TRAPPC9: variants seen among roughly 807,000 people sequenced by gnomAD.
TRAPPC9 encodes the protein trafficking protein particle complex subunit 9.
Under a neutral mutation model 124.0 loss-of-function variants are expected in TRAPPC9, and 83 were observed. The observed-to-expected ratio is 0.67, with a 90% CI of 0.56 to 0.80. The LOEUF is 0.80. Ranked by LOEUF, TRAPPC9 falls within the 30% of genes least tolerant of loss-of-function variation. TRAPPC9 has a pLI of 0.00. For missense variants in TRAPPC9, 1,302 were observed against 1,508.3 expected, an observed-to-expected ratio of 0.86 and a Z score of 2.27; for synonymous variants, 638 against 617.5, an observed-to-expected ratio of 1.03 and a Z score of -0.49.
intron 9 of TRAPPC9, among the ~76,000 whole-genome samples, chr8:140,331,754 T>C (rs1354889793): frequency 6.6e-6 from 1 of 151,996 alleles, no homozygotes; most frequent in Non-Finnish European, 1.5e-5. Context: ...ATCAGGGAAA[T>C]GCAAATCAAA....
At chr8:140,399,503 A>C (rs1260396571) in intron 6 of TRAPPC9, among the ~76,000 whole-genome samples, 1 of 152,236 alleles carries the variant, frequency 6.6e-6, no homozygotes, top group East Asian at 1.9e-4. Flanking sequence ...ACATGGAATC[A>C]AAGGAGATCA....
intron 19 of TRAPPC9, chr8:139,932,513 A>G (rs1833234682): frequency 2.2e-6 from 1 of 456,548 alleles, no homozygotes; most frequent in Non-Finnish European, 4.4e-6. Context: ...CTGTAATCCC[A>G]GCACTTTGGA....
chr8:140,440,637 C>A (rs953551591), intron 2 of TRAPPC9, among the ~76,000 whole-genome samples: 5 of 152,154 alleles, frequency 3.3e-5, no homozygotes, highest in Non-Finnish European at 5.9e-5. Context: ...TATACACACA[C>A]AGCCAGAGTG....
intron 17 of TRAPPC9, among the ~76,000 whole-genome samples, chr8:140,181,130 C>T (rs763319058): frequency 6.6e-6 from 1 of 152,178 alleles, no homozygotes; most frequent in Non-Finnish European, 1.5e-5. Flanking sequence ...CTCACTGTAA[C>T]CCATTTTGTG....
intron 17 of TRAPPC9, among the ~76,000 whole-genome samples, chr8:140,155,701 CT>C (rs1234027519): frequency 2.6e-5 from 4 of 152,136 alleles, no homozygotes; most frequent in Non-Finnish European, 4.4e-5. Context: ...ATGGGACCCC[CT>C]GGCTGTCCAT....
chr8:139,990,261 G>C (rs2927050), intron 18 of TRAPPC9, among the ~76,000 whole-genome samples: 1 of 152,034 alleles, frequency 6.6e-6, no homozygotes, highest in Non-Finnish European at 1.5e-5. Context: ...CACTGGAGAC[G>C]GAGGCTCAGG....
rs377407051 is a variant in TRAPPC9, at chr8:140,209,456, T to A, written c.2556+12003A>T. The stretch of plus-strand genomic sequence containing the variant: ...CCGTCCCCCTTCTCTGTCCTTAACA[T>A]CTGTGTTAGAATTCCACATGCAGCA... On this transcript the variant is annotated intron_variant, in intron 17 of 22. Coordinates refer to ENST00000438773, the MANE Select transcript of TRAPPC9 (RefSeq NM_001160372.4). Among the ~76,000 whole-genome samples the A allele has an allele frequency of 2.5e-4, 38 of 152,350 alleles. 1 individual carries two copies. The South Asian group carries it at 7.7e-3, about 31-fold the overall frequency.
At chr8:140,215,881 A>C (rs906134314) in intron 17 of TRAPPC9, 2 of 152,158 alleles carry the variant, frequency 1.3e-5, no homozygotes, top group East Asian at 3.9e-4. Flanking sequence ...GCCGTGGAGG[A>C]GGGTGCCCAG....
At chr8:140,300,244 C>T (rs1468827696) in intron 11 of TRAPPC9, among the ~76,000 whole-genome samples, 1 of 142,606 alleles carries the variant, frequency 7.0e-6, no homozygotes, top group African/African-American at 3.1e-5. Flanking sequence ...CATGCACGCA[C>T]GCATGCATAC....
chr8:140,390,161 G>A (rs955504517), intron 7 of TRAPPC9, among the ~76,000 whole-genome samples: 5 of 152,152 alleles, frequency 3.3e-5, no homozygotes, highest in East Asian at 1.9e-4. Context: ...AAAATTAGCC[G>A]GGCAGTAGTG....
intron 1 of TRAPPC9, among the ~76,000 whole-genome samples, chr8:140,456,399 G>A (rs539832477): frequency 1.5e-4 from 22 of 143,808 alleles, no homozygotes; most frequent in Non-Finnish European, 2.4e-4. Flanking sequence ...GCGACAGTGC[G>A]AGACTCCGTC....
At chr8:139,811,598 G>A (rs531759965) in intron 21 of TRAPPC9, among the ~76,000 whole-genome samples, 1 of 152,358 alleles carries the variant, frequency 6.6e-6, no homozygotes, top group South Asian at 2.1e-4. Context: ...CAAAGGATCA[G>A]GAGCTCGGAA....
intron 17 of TRAPPC9, among the ~76,000 whole-genome samples, chr8:140,193,682 C>T (rs1382956808): frequency 2.0e-5 from 3 of 149,586 alleles, no homozygotes; most frequent in East Asian, 2.0e-4. Context: ...CTAGAAAGTC[C>T]ACTGGAAAGG....
intron 17 of TRAPPC9, among the ~76,000 whole-genome samples, chr8:140,152,536 ATT>A (rs575784437): frequency 5.8e-5 from 8 of 137,730 alleles, no homozygotes; most frequent in African/African-American, 8.0e-5. Flanking sequence ...AATTTTTTGT[ATT>A]TTTTTTTTTT....
At chr8:139,900,276 G>A (rs1412396648) in intron 20 of TRAPPC9, among the ~76,000 whole-genome samples, 1 of 152,214 alleles carries the variant, frequency 6.6e-6, no homozygotes, top group African/African-American at 2.4e-5. Flanking sequence ...TGTGCCTGGA[G>A]CACCCTTAGC....
intron 21 of TRAPPC9, among the ~76,000 whole-genome samples, chr8:139,819,252 G>T (rs1051988633): frequency 6.6e-6 from 1 of 152,068 alleles, no homozygotes; most frequent in Non-Finnish European, 1.5e-5. Flanking sequence ...TCCCCAGATG[G>T]GACCATCTAG....
chr8:140,011,371 C>T (rs1839106698), intron 18 of TRAPPC9, among the ~76,000 whole-genome samples: 2 of 150,760 alleles, frequency 1.3e-5, no homozygotes, highest in South Asian at 4.2e-4. Context: ...ATAATAGTAA[C>T]AATATTATAT....
chr8:140,290,663 T>C (rs1482578819), intron 12 of TRAPPC9, among the ~76,000 whole-genome samples: 5 of 152,174 alleles, frequency 3.3e-5, no homozygotes, highest in Admixed American at 1.3e-4. Flanking sequence ...TACCGTTGAG[T>C]AGCAGGCAGA....
chr8:139,901,872 C>T (rs1228015434), intron 20 of TRAPPC9, among the ~76,000 whole-genome samples: 2 of 152,184 alleles, frequency 1.3e-5, no homozygotes, highest in African/African-American at 4.8e-5. Flanking sequence ...CTCATCTGTG[C>T]AACGTGGATA....
Sources: gnomAD v4.1 joint callset for allele counts (sites outside exome capture counted in the v4.1 genomes callset) on GRCh38, gnomAD v4.1.1 for gene constraint, MANE v1.5 for transcripts, NCBI Gene and HGNC (gene_info 2026-07-23, HGNC 2026-07-21) for gene names.